Variants in CSRNP3 observed in about 807,000 individuals in gnomAD.
CSRNP3 encodes the protein cysteine/serine-rich nuclear protein 3.
CSRNP3 carries 12 observed loss-of-function variants against 48.0 expected under a neutral mutation model. The ratio of observed to expected loss-of-function variants is 0.25; its 90% CI spans 0.16 to 0.41. CSRNP3 has a LOEUF of 0.41. CSRNP3 is among the 10% of genes least tolerant of loss of function. The pLI is 1.00. For missense variants in CSRNP3, 580 were observed against 724.4 expected, an observed-to-expected ratio of 0.80 and a Z score of 2.29; for synonymous variants, 263 against 269.7, an observed-to-expected ratio of 0.98 and a Z score of 0.24.
At chr2:165,665,938 AGGAAGGAAGGAAGGAC>A (rs1687179211) in intron 5 of CSRNP3, among the ~76,000 whole-genome samples, 1 of 132,526 alleles carries the variant, frequency 7.5e-6, no homozygotes, top group South Asian at 2.3e-4. Flanking sequence ...AGAAAGAGAG[AGGAAGGAAGGAAGGAC>A]GGAAGGAAAG....
chr2:165,615,010 C>T (rs1686213648), intron 4 of CSRNP3, among the ~76,000 whole-genome samples: 1 of 152,092 alleles, frequency 6.6e-6, no homozygotes, highest in Admixed American at 6.6e-5. Context: ...ATTCCATGTG[C>T]TGATGAAAAG....
At chr2:165,473,351 T>G (rs914060345) in intron 1 of CSRNP3, among the ~76,000 whole-genome samples, 17 of 152,056 alleles carry the variant, frequency 1.1e-4, no homozygotes, top group African/African-American at 3.4e-4. Flanking sequence ...AATGGAAATA[T>G]GCTAGTTTGG....
chr2:165,501,499 C>T (rs1684358916), intron 2 of CSRNP3, among the ~76,000 whole-genome samples: 1 of 152,130 alleles, frequency 6.6e-6, no homozygotes, highest in East Asian at 1.9e-4. Flanking sequence ...TTTTAAGCTC[C>T]TTGATGGCAG....
rs150174316 is a variant in CSRNP3 at position 165,634,956 on chromosome 2, A to G, written c.149-22805A>G. Reference sequence around the variant, plus strand: ...TTCCCCAGAGTGCTAACAGTCCCTGATGCATTCTAGGCCCAGCAGGCTATT... The same window carrying G: ...TTCCCCAGAGTGCTAACAGTCCCTGGTGCATTCTAGGCCCAGCAGGCTATT... On this transcript the variant is annotated intron_variant, in intron 4 of 6. Coordinates refer to ENST00000651982, the MANE Select transcript of CSRNP3 (RefSeq NM_001172173.2). 4.0e-3 allele frequency among the ~76,000 whole-genome samples: 603 copies of G among 152,294 alleles called. 4 individuals are homozygous for G. The highest frequency in any genetic ancestry group is 0.014 in the African/African-American group (565 of 41,564).
At chr2:165,641,893 A>G (rs566670454) in intron 4 of CSRNP3, among the ~76,000 whole-genome samples, 141 of 152,294 alleles carry the variant, frequency 9.3e-4, no homozygotes, top group African/African-American at 3.3e-3. Context: ...CTTCTATCCA[A>G]GGAAATATAA....
At chr2:165,594,055 T>G (rs1685769857) in intron 3 of CSRNP3, among the ~76,000 whole-genome samples, 1 of 152,136 alleles carries the variant, frequency 6.6e-6, no homozygotes, top group Admixed American at 6.5e-5. Context: ...AATTTTGTCT[T>G]TAGACTTGGG....
At chr2:165,625,143 G>T (rs1257515996) in intron 4 of CSRNP3, among the ~76,000 whole-genome samples, 3 of 152,166 alleles carry the variant, frequency 2.0e-5, no homozygotes, top group Non-Finnish European at 4.4e-5. Context: ...TTCCTCATCT[G>T]CAAAATGGGA....
intron 3 of CSRNP3, among the ~76,000 whole-genome samples, chr2:165,520,800 T>C (rs369491775): frequency 3.5e-4 from 15 of 42,430 alleles, no homozygotes; most frequent in African/African-American, 4.9e-4. Context: ...TATATATATA[T>C]ATATATATAT....
At chr2:165,649,649 G>A (rs1029218921) in intron 4 of CSRNP3, among the ~76,000 whole-genome samples, 1 of 152,148 alleles carries the variant, frequency 6.6e-6, no homozygotes, top group Non-Finnish European at 1.5e-5. Flanking sequence ...ACAGGGAACC[G>A]AATATATCAG....
intron 4 of CSRNP3, among the ~76,000 whole-genome samples, chr2:165,599,210 G>A (rs1415809248): frequency 6.7e-6 from 1 of 150,054 alleles, no homozygotes; most frequent in Non-Finnish European, 1.5e-5. Context: ...GGGTGACAGA[G>A]CAAGACCCTG....
At chr2:165,634,469 G>T (rs538086031) in intron 4 of CSRNP3, among the ~76,000 whole-genome samples, 2 of 152,312 alleles carry the variant, frequency 1.3e-5, no homozygotes, top group Admixed American at 1.3e-4. Flanking sequence ...TAAGACCGGC[G>T]AAGGGCCCTG....
intron 3 of CSRNP3, among the ~76,000 whole-genome samples, chr2:165,542,938 A>C (rs1684978145): frequency 6.6e-6 from 1 of 152,176 alleles, no homozygotes; most frequent in Admixed American, 6.5e-5. Context: ...TTCTGAATTT[A>C]CTGAGAATCT....
At chr2:165,581,887 A>G (rs1251719466) in intron 3 of CSRNP3, among the ~76,000 whole-genome samples, 1 of 152,084 alleles carries the variant, frequency 6.6e-6, no homozygotes, top group African/African-American at 2.4e-5. Flanking sequence ...TAATCTTCCT[A>G]CTTAAAATTA....
intron 4 of CSRNP3, among the ~76,000 whole-genome samples, chr2:165,639,467 G>C (rs1372958263): frequency 6.6e-6 from 1 of 152,214 alleles, no homozygotes; most frequent in Non-Finnish European, 1.5e-5. Context: ...TGGCCACAAA[G>C]TGCATGGTTA....
intron 4 of CSRNP3, among the ~76,000 whole-genome samples, chr2:165,657,445 AG>A (rs1208916815): frequency 5.9e-5 from 9 of 152,194 alleles, no homozygotes; most frequent in Non-Finnish European, 1.2e-4. Flanking sequence ...TCTAAAGATA[AG>A]GGGGGACTAC....
intron 2 of CSRNP3, among the ~76,000 whole-genome samples, chr2:165,513,000 G>T (rs532505067): frequency 1.3e-5 from 2 of 152,268 alleles, no homozygotes; most frequent in South Asian, 4.1e-4. Context: ...AGCTACTTGA[G>T]AGGCTGAGGC....
At chr2:165,590,891 T>C (rs1287941216) in intron 3 of CSRNP3, among the ~76,000 whole-genome samples, 1 of 151,254 alleles carries the variant, frequency 6.6e-6, no homozygotes, top group African/African-American at 2.5e-5. Context: ...ACTAATACAG[T>C]AAATTGGTAC....
intron 4 of CSRNP3, among the ~76,000 whole-genome samples, chr2:165,653,963 G>A (rs1163294172): frequency 2.9e-5 from 2 of 70,038 alleles, no homozygotes; most frequent in Admixed American, 2.4e-4. Flanking sequence ...CAAGAGCGAA[G>A]CTCTATCACA....
intron 4 of CSRNP3, among the ~76,000 whole-genome samples, chr2:165,601,822 A>G (rs1048629638): frequency 2.6e-5 from 4 of 152,192 alleles, no homozygotes; most frequent in African/African-American, 7.2e-5. Flanking sequence ...ATAAAGAATC[A>G]ATAGAAAACA....
Sources: gnomAD v4.1 joint callset for allele counts (sites outside exome capture counted in the v4.1 genomes callset) on GRCh38, gnomAD v4.1.1 for gene constraint, MANE v1.5 for transcripts, NCBI Gene and HGNC (gene_info 2026-07-23, HGNC 2026-07-21) for gene names.